PISD: variants seen among roughly 807,000 people sequenced by gnomAD.
PISD encodes the protein phosphatidylserine decarboxylase proenzyme, mitochondrial.
PISD carries 31 observed loss-of-function variants against 43.5 expected under a neutral mutation model. That is an observed-to-expected ratio of 0.71 (90% CI 0.54 to 0.96). The LOEUF (loss-of-function observed/expected upper bound fraction) is 0.96, where lower values mean the gene tolerates loss of function less well. Among genes scored for constraint, PISD ranks in the 40% least tolerant of loss-of-function variants. PISD has a pLI of 0.00. For synonymous variants in PISD, 259 were observed against 228.7 expected (o/e 1.13, Z -1.20); for missense variants, 523 against 548.4 (o/e 0.95, Z 0.46).
In PISD at chr22:31,619,745, C is replaced by A. The variant is rs567105342; in HGVS notation, c.1097G>T (p.Arg366Leu). Residue 366 changes from arginine (R) to leucine (L), a missense_variant, in exon 8 of 8, where the codon CGT (arginine) becomes CTT (leucine). Physicochemically the swap from Arg to Leu is moderately radical, Grantham distance 102 (BLOSUM62 -2). Transcript: ENST00000439502. ...THTNREGVPM[R>L]KGEHLGEFNL... Reference sequence around the variant, plus strand: ...GAACTCGCCCAGGTGCTCGCCCTTACGCATGGGGACGCCCTCTCTATTGGT... The same window carrying A: ...GAACTCGCCCAGGTGCTCGCCCTTAAGCATGGGGACGCCCTCTCTATTGGT... 1 of 1,614,184 alleles carries A rather than the reference C, an allele frequency of 6.2e-7. No homozygotes were observed. The highest frequency in any genetic ancestry group is 8.5e-7 in the Non-Finnish European group (1 of 1,179,998).
intron 3 of PISD, among the ~76,000 whole-genome samples, chr22:31,644,063 A>G (rs1224887425): frequency 6.6e-6 from 1 of 151,500 alleles, no homozygotes; most frequent in Non-Finnish European, 1.5e-5. Context: ...AAAAAACAAA[A>G]ACAAAAACAA....
At chr22:31,638,276 A>G in intron 3 of PISD, 1 of 609,562 alleles carries the variant, frequency 1.6e-6, no homozygotes, top group Non-Finnish European at 2.1e-6. Flanking sequence ...GATGTGGGGC[A>G]GGTCCAGTCA....
chr22:31,638,278 G>T, intron 3 of PISD: 1 of 654,722 alleles, frequency 1.5e-6, no homozygotes, highest in Non-Finnish European at 1.9e-6. Context: ...TGTGGGGCAG[G>T]TCCAGTCACA....
chr22:31,634,562 C>T (rs1418187498), intron 3 of PISD, among the ~76,000 whole-genome samples: 4 of 152,172 alleles, frequency 2.6e-5, no homozygotes, highest in Non-Finnish European at 5.9e-5. Context: ...TTAGGCCAGA[C>T]GTGGTGACTT....
chr22:31,634,055 C>G (rs1333396096), intron 3 of PISD, among the ~76,000 whole-genome samples: 1 of 152,216 alleles, frequency 6.6e-6, no homozygotes, highest in African/African-American at 2.4e-5. Flanking sequence ...GGAGGCCTCC[C>G]TGCCTCAGTC....
chr22:31,648,253 G>A lies in PISD; in HGVS notation c.169C>T (p.Pro57Ser). 6.2e-7 allele frequency: 1 copy of A among 1,609,450 alleles called. No individual in the cohort carries two copies. The highest frequency in any genetic ancestry group is 1.1e-5 in the South Asian group (1 of 90,404). ...RTDARKIHTA[P>S]ARTMFLLRPL... Reference sequence around the variant, plus strand: ...CGCAGCAGGAACATGGTTCGGGCAGGGGCAGTGTGGATTTTTCTGGCATCT... The same window carrying A: ...CGCAGCAGGAACATGGTTCGGGCAGAGGCAGTGTGGATTTTTCTGGCATCT... The change falls in exon 3 of 8, where the codon CCT becomes TCT. Residue 57 changes from proline (P) to serine (S), a missense_variant. Transcript: ENST00000439502.
At chr22:31,637,215 T>C (rs1405299562) in intron 3 of PISD, among the ~76,000 whole-genome samples, 1 of 83,234 alleles carries the variant, frequency 1.2e-5, no homozygotes, top group African/African-American at 4.5e-5. Context: ...ATAGAAAAAT[T>C]AGCCGGGCAT....
At chr22:31,628,231 G>C (rs961660800) in intron 3 of PISD, 17 of 978,996 alleles carry the variant, frequency 1.7e-5, no homozygotes, top group Non-Finnish European at 2.1e-5. Context: ...GAGAGAAGGG[G>C]CGCCTAGAGG....
rs61747365 is a variant in PISD at position 31,619,779 on chromosome 22, C to A, written c.1063G>T (p.Val355Leu). The change falls in exon 8 of 8, where the codon GTG becomes TTG. Residue 355 changes from valine to leucine, a missense_variant. Coordinates refer to ENST00000439502, the MANE Select transcript of PISD (RefSeq NM_001326411.2). ...ACGCCCTCTCTATTGGTGTGCGTCA[C>A]GAAGCTGAAGTCATTGTAGGAGCCC... ...SKGSYNDFSFVTHTNREGVPM... is the reference protein window; with the variant it reads ...SKGSYNDFSFLTHTNREGVPM... 1.2e-6 allele frequency: 2 copies of A among 1,614,196 alleles called. No homozygotes were observed. The highest frequency in any genetic ancestry group is 2.2e-5 in the South Asian group (2 of 91,084).
At chr22:31,650,508 G>A (rs527901540) in intron 2 of PISD, among the ~76,000 whole-genome samples, 191 bp downstream of exon 2, 153 of 145,058 alleles carry the variant, frequency 1.1e-3, no homozygotes, top group African/African-American at 3.9e-3. Flanking sequence ...CAGCCTGGGC[G>A]ACAGAGCAAG....
At chr22:31,637,165 ATATATATATAT>A (rs1184854227) in intron 3 of PISD, among the ~76,000 whole-genome samples, 2 of 13,410 alleles carry the variant, frequency 1.5e-4, no homozygotes, top group African/African-American at 4.9e-4. Context: ...AAAAAAAAAA[ATATATATATAT>A]ATATATATAT....
At position 31,662,191 on chromosome 22, in the gene PISD, C is replaced by T. The variant is rs1474951320; in HGVS notation, c.18G>A (p.Gly6=). 2 of 1,605,080 alleles carry T rather than the reference C, an allele frequency of 1.2e-6. No homozygotes were observed. Among genetic ancestry groups the T allele is most frequent in the Non-Finnish European group, 8.5e-7 (1 of 1,179,784 alleles). ...CGTGCAGTAATCCCAGACATCGGTG[C>T]CCCACGGACGTCGCCATCTTGTCTG... The part of the protein sequence containing the change: MATSV[G]HRCLGLLHGV... The change falls in exon 1 of 8, where the codon GGG becomes GGA. Residue 6 remains glycine, a synonymous_variant. Transcript: ENST00000439502.
intron 6 of PISD, 75 bp from the exon 7 acceptor site, chr22:31,620,788 G>A: frequency 1.9e-6 from 3 of 1,560,290 alleles, no homozygotes; most frequent in Middle Eastern, 2.0e-4. Flanking sequence ...AAGACCCAAA[G>A]GGACTCATGG....
At chr22:31,656,372 C>T (rs939428636) in intron 1 of PISD, among the ~76,000 whole-genome samples, 1 of 150,652 alleles carries the variant, frequency 6.6e-6, no homozygotes, top group Non-Finnish European at 1.5e-5. Flanking sequence ...AAAGGCCGGG[C>T]ATGGTGGCTG....
At chr22:31,650,524 C>T (rs540262593) in intron 2 of PISD, among the ~76,000 whole-genome samples, 175 bp downstream of exon 2, 1 of 132,654 alleles carries the variant, frequency 7.5e-6, no homozygotes, top group Non-Finnish European at 1.5e-5. Context: ...GCAAGACTGT[C>T]TCAAAAAAAA....
chr22:31,647,743 G>T (rs1257843437), intron 3 of PISD, among the ~76,000 whole-genome samples: 2 of 152,186 alleles, frequency 1.3e-5, no homozygotes, highest in African/African-American at 4.8e-5. Context: ...GGTTCCTGGT[G>T]AGAACTAATC....
chr22:31,622,343 G>A lies in PISD; in HGVS notation c.322-458C>T, dbSNP rs555866970. ...AAAGGAGGAGGCTCCCAAGTGCATGGAACAAGTCTACAGCCCAAAGTGTGT... is the reference window on the plus strand; with the variant it reads ...AAAGGAGGAGGCTCCCAAGTGCATGAAACAAGTCTACAGCCCAAAGTGTGT... On this transcript the variant is annotated intron_variant, in intron 3 of 7. Transcript: ENST00000439502. 2.0e-4 allele frequency among the ~76,000 whole-genome samples: 31 copies of A among 152,336 alleles called. 1 individual carries two copies. The highest frequency in any genetic ancestry group is 1.2e-3 in the Admixed American group (19 of 15,306).
rs1343591383 is a variant in PISD at position 31,621,340 on chromosome 22, G to GGAA, written c.688_690dup (p.Phe230dup). 2.5e-6 allele frequency: 4 copies of GGAA among 1,614,046 alleles called. No homozygotes were observed. The highest frequency in any genetic ancestry group is 2.5e-6 in the Non-Finnish European group (3 of 1,180,010). ...CGCCTGTGCAGTGACCCACCTGGTG[G>GGAA]GAAGGGCAGGTCCTCTGTGCACATA... is the stretch of plus-strand genomic sequence containing the variant. On this transcript the variant is annotated inframe_insertion, in exon 5 of 8. Transcript: ENST00000439502.
intron 3 of PISD, among the ~76,000 whole-genome samples, chr22:31,635,081 G>A (rs568518041): frequency 2.6e-5 from 4 of 152,134 alleles, no homozygotes; most frequent in African/African-American, 4.8e-5. Context: ...CATGAGAATC[G>A]CTTGAACCTG....
Sources: gnomAD v4.1 joint callset for allele counts (sites outside exome capture counted in the v4.1 genomes callset) on GRCh38, gnomAD v4.1.1 for gene constraint, MANE v1.5 for transcripts, NCBI Gene and HGNC (gene_info 2026-07-23, HGNC 2026-07-21) for gene names.